Variants in KHDRBS2 observed in about 807,000 individuals in gnomAD.
The protein encoded by KHDRBS2 is KH RNA binding domain containing, signal transduction associated 2, also known as KH domain-containing, RNA-binding, signal transduction-associated protein 2.
Under a neutral mutation model 44.3 loss-of-function variants are expected in KHDRBS2, and 26 were observed. That is an observed-to-expected ratio of 0.59 (90% confidence interval 0.43 to 0.81). The LOEUF (loss-of-function observed/expected upper bound fraction) is 0.81, where lower values mean the gene tolerates loss of function less well. KHDRBS2 is among the 40% of genes least tolerant of loss of function. The probability of loss-of-function intolerance (pLI) is 0.00; values close to 1 mark genes in which losing one functional copy is unlikely to be tolerated. For missense variants in KHDRBS2, 476 were observed against 433.1 expected, an observed-to-expected ratio of 1.10 and a Z score of -0.88; for synonymous variants, 194 against 151.1, an observed-to-expected ratio of 1.28 and a Z score of -2.08.
chr6:61,981,017 A>T (rs937304391), intron 3 of KHDRBS2, among the ~76,000 whole-genome samples: 2 of 152,124 alleles, frequency 1.3e-5, no homozygotes, highest in African/African-American at 4.8e-5. Context: ...TCATAAATAC[A>T]TATAGCTTTT....
rs112417568 is a variant in KHDRBS2, at chr6:61,696,511, C to G, written c.952+684G>C. Among the ~76,000 whole-genome samples the G allele has an allele frequency of 5.3e-5, 8 of 152,070 alleles. 1 individual carries two copies. The highest frequency in any genetic ancestry group is 3.3e-4 in the Admixed American group (5 of 15,252). On this transcript the variant is annotated intron_variant, in intron 8 of 8. Coordinates refer to ENST00000281156, the MANE Select transcript of KHDRBS2 (RefSeq NM_152688.4). The stretch of plus-strand genomic sequence containing the variant: ...TGATCTCGTGATCCGCCCGCCTCAG[C>G]CTCCCAAAGTGCCAGGATTACAGGG...
intron 2 of KHDRBS2, among the ~76,000 whole-genome samples, chr6:62,084,608 G>A (rs987448259): frequency 1.3e-5 from 2 of 152,052 alleles, no homozygotes; most frequent in South Asian, 2.1e-4. Context: ...TGAATAAAAC[G>A]ACAAGGTTTT....
chr6:61,880,261 A>G (rs2127315956), intron 6 of KHDRBS2, among the ~76,000 whole-genome samples: 1 of 152,022 alleles, frequency 6.6e-6, no homozygotes, highest in African/African-American at 2.4e-5. Flanking sequence ...GTGTTATAAT[A>G]GCCCTGTAAA....
the KHDRBS2 span, among the ~76,000 whole-genome samples, chr6:61,571,569 A>G: frequency 1.1e-3 from 162 of 152,240 alleles, no homozygotes; most frequent in African/African-American, 3.7e-3. Flanking sequence ...TGGACTTAAC[A>G]GACGTTTACA....
the KHDRBS2 span, among the ~76,000 whole-genome samples, chr6:61,554,234 C>T: frequency 6.6e-6 from 1 of 152,096 alleles, no homozygotes; most frequent in African/African-American, 2.4e-5. Flanking sequence ...TTGAATTGAG[C>T]CCTTAACCAT....
In KHDRBS2 at chr6:62,107,431, G is replaced by A. The variant is rs540626573; in HGVS notation, c.220-59437C>T. Among the ~76,000 whole-genome samples, 356 of 152,116 alleles carry A rather than the reference G, an allele frequency of 2.3e-3. 5 individuals are homozygous for A. The highest frequency in any genetic ancestry group is 4.2e-3 in the South Asian group (20 of 4,812). Reference sequence around the variant, plus strand: ...AAGGAGAACTACAAACCACTGCTCAGTGAAATAAAAGAGGATACAAACAAA... The same window carrying A: ...AAGGAGAACTACAAACCACTGCTCAATGAAATAAAAGAGGATACAAACAAA... On this transcript the variant is annotated intron_variant, in intron 2 of 8. Transcript: ENST00000281156.
chr6:61,980,530 T>C (rs1489397933), intron 3 of KHDRBS2, among the ~76,000 whole-genome samples: 1 of 152,222 alleles, frequency 6.6e-6, no homozygotes, highest in East Asian at 1.9e-4. Flanking sequence ...TGGCTACATT[T>C]GAATGGGTTT....
At chr6:61,961,562 C>A (rs1357862117) in intron 4 of KHDRBS2, among the ~76,000 whole-genome samples, 1 of 151,902 alleles carries the variant, frequency 6.6e-6, no homozygotes, top group African/African-American at 2.4e-5. Flanking sequence ...GTTGGAAAGG[C>A]CTCATTTGAA....
chr6:62,156,227 A>G (rs1394803016), intron 2 of KHDRBS2, among the ~76,000 whole-genome samples: 5 of 152,180 alleles, frequency 3.3e-5, no homozygotes, highest in South Asian at 4.1e-4. Flanking sequence ...AAATATAAAA[A>G]TAATAAACAT....
intron 6 of KHDRBS2, among the ~76,000 whole-genome samples, chr6:61,822,412 C>A (rs1408731823): frequency 1.3e-5 from 2 of 151,964 alleles, no homozygotes; most frequent in East Asian, 3.9e-4. Context: ...AATCTCTTGA[C>A]TTTTCCTCAA....
chr6:61,939,950 C>T (rs750247492), intron 4 of KHDRBS2, among the ~76,000 whole-genome samples: 6 of 152,052 alleles, frequency 3.9e-5, no homozygotes, highest in Non-Finnish European at 8.8e-5. Context: ...AATAAATGTA[C>T]CCTTTTTTTC....
intron 6 of KHDRBS2, among the ~76,000 whole-genome samples, chr6:61,809,535 G>T (rs1452030413): frequency 6.6e-6 from 1 of 151,950 alleles, no homozygotes; most frequent in Non-Finnish European, 1.5e-5. Context: ...TCATACTCCT[G>T]CCTTCTTCTG....
chr6:61,997,295 T>C (rs1777378965), intron 3 of KHDRBS2, among the ~76,000 whole-genome samples: 1 of 152,178 alleles, frequency 6.6e-6, no homozygotes, highest in South Asian at 2.1e-4. Flanking sequence ...TGATTCTGAG[T>C]GCAAAGGTAC....
chr6:61,848,543 ATATATATACATATATATATG>A (rs1562294917), intron 6 of KHDRBS2, among the ~76,000 whole-genome samples: 3,644 of 56,688 alleles, frequency 0.064, 765 homozygotes, highest in African/African-American at 0.33. Context: ...ATATATATGT[ATATATATACATATATATATG>A]TATATATATA....
chr6:61,924,861 A>G (rs987629359), intron 4 of KHDRBS2, among the ~76,000 whole-genome samples: 1 of 152,124 alleles, frequency 6.6e-6, no homozygotes, highest in African/African-American at 2.4e-5. Flanking sequence ...TACAAAATAC[A>G]TGATAAGCTA....
the KHDRBS2 span, among the ~76,000 whole-genome samples, chr6:61,609,220 A>T: frequency 6.6e-6 from 1 of 152,150 alleles, no homozygotes; most frequent in Non-Finnish European, 1.5e-5. Flanking sequence ...TAAGCTGGGC[A>T]TGGTGGTGTG....
chr6:61,663,151 CA>C, the KHDRBS2 span, among the ~76,000 whole-genome samples: 3 of 145,518 alleles, frequency 2.1e-5, no homozygotes, highest in South Asian at 4.6e-4. Context: ...ATCGCAAGGA[CA>C]AAAAACCAAA....
intron 1 of KHDRBS2, among the ~76,000 whole-genome samples, chr6:62,184,468 A>G (rs1285180063): frequency 6.6e-6 from 1 of 151,808 alleles, no homozygotes; most frequent in Non-Finnish European, 1.5e-5. Context: ...GAGTTCAAAG[A>G]GCATATATAA....
In KHDRBS2 at chr6:61,929,127, T is replaced by TCTACAA. The variant is rs796903304; in HGVS notation, c.484-27757_484-27756insTTGTAG. On this transcript the variant is annotated intron_variant, in intron 4 of 8. Coordinates refer to ENST00000281156, the MANE Select transcript of KHDRBS2 (RefSeq NM_152688.4). ...AATATCAATCTATGGGAAAGTTGAATATAATGTAGGTTTGCTCCTGTGTGG... is the reference window on the plus strand; with the variant it reads ...AATATCAATCTATGGGAAAGTTGAATCTACAAATAATGTAGGTTTGCTCCTGTGTGG... Among the ~76,000 whole-genome samples the TCTACAA allele has an allele frequency of 2.3e-3, 354 of 152,264 alleles. 1 individual carries two copies. Among genetic ancestry groups the TCTACAA allele is most frequent in the African/African-American group, 8.3e-3 (345 of 41,576 alleles).
Sources: gnomAD v4.1 joint callset for allele counts (sites outside exome capture counted in the v4.1 genomes callset) on GRCh38, gnomAD v4.1.1 for gene constraint, MANE v1.5 for transcripts, NCBI Gene and HGNC (gene_info 2026-07-23, HGNC 2026-07-21) for gene names.